The following NOC2L variants were observed in gnomAD, a reference collection of about 807,000 sequenced individuals.
NOC2L encodes the protein nucleolar complex protein 2 homolog.
NOC2L carries 101 observed loss-of-function variants against 94.2 expected under a neutral mutation model. That is an observed-to-expected ratio of 1.07 (90% CI 0.91 to 1.26). NOC2L has a LOEUF of 1.26. Among genes scored for constraint, NOC2L ranks in the 50% most tolerant of loss-of-function variants. NOC2L has a pLI of 0.00. For missense variants in NOC2L, 1,076 were observed against 980.1 expected (o/e 1.10, Z -1.31); for synonymous variants, 531 against 413.4 (o/e 1.28, Z -3.45).
At chr1:948,066 G>C in intron 14 of NOC2L, 65 bp downstream of exon 14, 2 of 1,329,062 alleles carry the variant, frequency 1.5e-6, no homozygotes, top group Non-Finnish European at 2.1e-6. Context: ...TACCAGCCTG[G>C]GGCAGCCAAG....
Position 945,136 on chromosome 1 carries a change from C to A in NOC2L, c.2064G>T (p.Arg688Ser), listed in dbSNP as rs1430049796. The A allele has an allele frequency of 6.2e-7, 1 of 1,606,574 alleles. No homozygotes were observed. The highest frequency in any genetic ancestry group is 1.1e-5 in the South Asian group (1 of 90,076). The change falls in exon 18 of 19, where the codon AGG becomes AGT. Residue 688 changes from arginine to serine, a missense_variant. Arg to Ser is a moderately radical substitution (Grantham distance 110). This residue lies in a region of NOC2L where 615 missense variants were observed against 577.4 expected (regional missense o/e 1.07). Transcript: ENST00000327044. ...TEGFSERGILRPLSTRHGVED... is the reference protein window; with the variant it reads ...TEGFSERGILSPLSTRHGVED... ...CCACCCCATGCCGAGTGCTCAGGGG[C>A]CTCAGTATCCCTGAGGAACAAGAAG...
chr1:945,653 G>A lies in NOC2L; in HGVS notation c.1918C>T (p.Leu640=), dbSNP rs1163261916. ...IQLEISGKER[L]EDLNFPEIKR... ...ATCTCAGGGAAGTTCAGGTCTTCCA[G>A]CTGGAAGGCCAAAGAACCAGGGGCT... The change falls in exon 17 of 19, where the codon CTG becomes TTG. Residue 640 remains leucine, a splice_region_variant and synonymous_variant. Transcript: ENST00000327044. The A allele has an allele frequency of 1.9e-6, 3 of 1,614,160 alleles. No individual in the cohort carries two copies. Among genetic ancestry groups the A allele is most frequent in the Admixed American group, 1.7e-5 (1 of 60,030 alleles).
intron 12 of NOC2L, 123 bp from the exon 13 acceptor site, chr1:948,726 G>C: frequency 1.5e-6 from 1 of 671,460 alleles, no homozygotes; most frequent in South Asian, 1.7e-5. Flanking sequence ...TGGTCACCCT[G>C]GTCCTCAGGC....
At chr1:953,719 T>C in intron 8 of NOC2L, 63 bp downstream of exon 8, 1 of 1,227,282 alleles carries the variant, frequency 8.1e-7, no homozygotes, top group Non-Finnish European at 1.2e-6. Flanking sequence ...TGGGATGTGG[T>C]GGGGGTAGCC....
chr1:948,427 C>T (rs1642173547), intron 13 of NOC2L, 63 bp downstream of exon 13: 1 of 1,300,942 alleles, frequency 7.7e-7, no homozygotes, highest in East Asian at 2.3e-5. Flanking sequence ...CTCCCATCCA[C>T]CTCAGCACCC....
At chr1:945,759 T>C in intron 16 of NOC2L, 106 bp from the exon 17 acceptor site, 1 of 1,385,872 alleles carries the variant, frequency 7.2e-7, no homozygotes, top group Non-Finnish European at 1.0e-6. Flanking sequence ...ATGTGGCCAA[T>C]TTCTAGTCCC....
intron 6 of NOC2L, 86 bp downstream of exon 6, chr1:955,837 G>C: frequency 8.6e-7 from 1 of 1,158,236 alleles, no homozygotes; most frequent in Non-Finnish European, 1.3e-6. Flanking sequence ...CCATGTCTCT[G>C]TCCTAGCCAC....
chr1:951,752 T>TG (rs1228991783), intron 11 of NOC2L, among the ~76,000 whole-genome samples: 1 of 152,242 alleles, frequency 6.6e-6, no homozygotes, highest in Non-Finnish European at 1.5e-5. Context: ...GAACACACGC[T>TG]GGGTGGCACC....
rs997826019 is a variant in NOC2L at position 954,827 on chromosome 1, G to GA, written c.699-746dup. Among the ~76,000 whole-genome samples, 437 of 143,224 alleles carry GA rather than the reference G, an allele frequency of 3.1e-3. 5 individuals carry two copies. In the East Asian group the frequency reaches 0.042, roughly 14 times the overall value. 94.0% of individuals were successfully genotyped at this position (143,224 alleles called of 152,430 possible). A position where few individuals can be genotyped will look rare whatever the true frequency, so the allele number is the denominator to read the frequency against. The stretch of plus-strand genomic sequence containing the variant: ...ACAGAGCAAGATCCTATCTCGTAAG[G>GA]AAAAAAAAAAACCAAAAACCAAACA... On this transcript the variant is annotated intron_variant, in intron 6 of 18. Coordinates refer to ENST00000327044, the MANE Select transcript of NOC2L (RefSeq NM_015658.4).
chr1:945,024 A>G (rs201859095), intron 18 of NOC2L, 33 bp downstream of exon 18: 265 of 1,613,618 alleles, frequency 1.6e-4, no homozygotes, highest in Admixed American at 8.3e-5. Flanking sequence ...ATGGGCTCAC[A>G]GGGCCACACC....
Position 945,661 on chromosome 1 carries a change from G to A in NOC2L, c.1918-8C>T. ...GAAGTTCAGGTCTTCCAGCTGGAAG[G>A]CCAAAGAACCAGGGGCTCAGGTGAG... is the stretch of plus-strand genomic sequence containing the variant. On this transcript the variant is annotated splice_polypyrimidine_tract_variant and splice_region_variant and intron_variant, in intron 16 of 18. Transcript: ENST00000327044. The A allele has an allele frequency of 6.2e-7, 1 of 1,614,126 alleles. No homozygotes were observed. Among genetic ancestry groups the A allele is most frequent in the Non-Finnish European group, 8.5e-7 (1 of 1,179,986 alleles).
rs761974319 is a variant in NOC2L, at chr1:954,059, G to A, written c.722C>T (p.Pro241Leu). The A allele has an allele frequency of 1.1e-4, 179 of 1,610,732 alleles. No homozygotes were observed. The highest frequency in any genetic ancestry group is 1.3e-4 in the African/African-American group (10 of 74,978). ...SSRMLQPSSS[P>L]LWGKLRVDIK... is the part of the protein sequence containing the mutation. Reference sequence around the variant, plus strand: ...GTCCACACGAAGCTTCCCCCAGAGCGGGCTGCTGGACGGCTGCAGCATCCT... The same window carrying A: ...GTCCACACGAAGCTTCCCCCAGAGCAGGCTGCTGGACGGCTGCAGCATCCT... The change falls in exon 7 of 19, where the codon CCG becomes CTG. Residue 241 changes from proline (P) to leucine (L), a missense_variant. This residue lies in a region of NOC2L where 457 missense variants were observed against 386.0 expected (regional missense o/e 1.18). Transcript: ENST00000327044.
rs192028975 is a variant in NOC2L, at chr1:957,344, C to T, written c.180-71G>A. ...GGGGGCGGGGAGTGGCCTACAGGGT[C>T]AGTCTACTCCCTTCACAAGGGTTAC... On this transcript the variant is annotated intron_variant, in intron 2 of 18. Coordinates refer to ENST00000327044, the MANE Select transcript of NOC2L (RefSeq NM_015658.4). 2.9e-4 allele frequency: 416 copies of T among 1,450,926 alleles called. No individual in the cohort carries two copies. In the African/African-American group the frequency reaches 5.4e-3, roughly 19 times the overall value. 89.9% of individuals were successfully genotyped at this position (1,450,926 alleles called of 1,614,324 possible). A position where few individuals can be genotyped will look rare whatever the true frequency, so the allele number is the denominator to read the frequency against.
rs1478582115 is a variant in NOC2L, at chr1:944,386, G to A, written c.*308C>T. On this transcript the variant is annotated 3_prime_UTR_variant, in exon 19 of 19. Coordinates refer to ENST00000327044, the MANE Select transcript of NOC2L (RefSeq NM_015658.4). ...GACGGAGGGCAGAGGTGGTGGAAGG[G>A]GCCAGGGGCCTGCAGGCCTCCCCCT... The A allele has an allele frequency of 2.3e-6, 3 of 1,314,648 alleles. No homozygotes were observed. The highest frequency in any genetic ancestry group is 2.9e-5 in the East Asian group (1 of 34,662). The allele number at this position is 1,314,648 out of a possible 1,614,324, so 81.4% of individuals were successfully genotyped here. A position where few individuals can be genotyped will look rare whatever the true frequency, so the allele number is the denominator to read the frequency against.
intron 2 of NOC2L, chr1:957,564 C>T (rs1315013694): frequency 1.3e-5 from 5 of 396,764 alleles, no homozygotes; most frequent in Non-Finnish European, 2.3e-5. Context: ...GTGCCTGTGC[C>T]CTGCGCTACT....
chr1:948,269 G>A (rs961519840), intron 13 of NOC2L, 37 bp from the exon 14 acceptor site: 7 of 1,515,446 alleles, frequency 4.6e-6, no homozygotes, highest in Admixed American at 3.9e-5. Flanking sequence ...GCATCAGGGA[G>A]AGGCTGGGGC....
At chr1:946,040 T>G in intron 16 of NOC2L, 133 bp downstream of exon 16, 1 of 689,856 alleles carries the variant, frequency 1.4e-6, no homozygotes, top group Non-Finnish European at 2.4e-6. Context: ...CCTCTCCAAG[T>G]CGAATCATCC....
At position 952,217 on chromosome 1, in the gene NOC2L, G is replaced by A. The variant is rs1037115952; in HGVS notation, c.1192-78C>T. On this transcript the variant is annotated intron_variant, in intron 10 of 18. Transcript: ENST00000327044. The stretch of plus-strand genomic sequence containing the variant: ...TGCACGTTCCTCCTGGGCCGGCACA[G>A]GAATCATTTCCTCATCTTGCACACG... 30 of 1,550,314 alleles carry A rather than the reference G, an allele frequency of 1.9e-5. No homozygotes were observed. The East Asian group carries it at 4.1e-4, about 21-fold the overall frequency.
In NOC2L at chr1:944,234, A is replaced by C. The variant is rs544040354; in HGVS notation, c.*460T>G. On this transcript the variant is annotated 3_prime_UTR_variant, in exon 19 of 19. Coordinates refer to ENST00000327044, the MANE Select transcript of NOC2L (RefSeq NM_015658.4). ...CAATGGCCCTGCCTCCCACCGCTTTATTTCTTTCGGTTTCGGATGCAAAAC... is the reference window on the plus strand; with the variant it reads ...CAATGGCCCTGCCTCCCACCGCTTTCTTTCTTTCGGTTTCGGATGCAAAAC... 1.6e-3 allele frequency: 2,396 copies of C among 1,458,100 alleles called. No homozygotes were observed. Among genetic ancestry groups the C allele is most frequent in the Non-Finnish European group, 1.9e-3 (2,078 of 1,106,310 alleles). 90.3% of individuals were successfully genotyped at this position (1,458,100 alleles called of 1,614,324 possible).
Sources: allele counts gnomAD v4.1 joint callset (sites outside exome capture counted in the v4.1 genomes callset), GRCh38; gene constraint gnomAD v4.1.1; regional missense constraint gnomAD v4.1.1; transcripts MANE v1.5; gene names NCBI Gene and HGNC (gene_info 2026-07-23, HGNC 2026-07-21).